The following TMOD1 variants were observed in gnomAD, a reference collection of about 807,000 sequenced individuals.
TMOD1 encodes the protein tropomodulin 1.
Under a neutral mutation model 40.6 loss-of-function variants are expected in TMOD1, and 17 were observed. The ratio of observed to expected loss-of-function variants is 0.42; its 90% CI spans 0.29 to 0.63. The LOEUF is 0.63. TMOD1 is among the 20% of genes least tolerant of loss of function. The probability of loss-of-function intolerance (pLI) is 0.22; values close to 1 mark genes in which losing one functional copy is unlikely to be tolerated. For synonymous variants in TMOD1, 181 were observed against 175.0 expected (o/e 1.03, Z -0.27); for missense variants, 391 against 447.6 (o/e 0.87, Z 1.14).
intron 2 of TMOD1, among the ~76,000 whole-genome samples, chr9:97,540,160 C>T (rs1830256490): frequency 6.6e-6 from 1 of 152,182 alleles, no homozygotes; most frequent in Admixed American, 6.5e-5. Flanking sequence ...TCAACCTTCC[C>T]AGCTGTATTA....
At chr9:97,588,660 A>T (rs1825932024) in intron 8 of TMOD1, among the ~76,000 whole-genome samples, 1 of 152,188 alleles carries the variant, frequency 6.6e-6, no homozygotes, top group Non-Finnish European at 1.5e-5. Flanking sequence ...TGCAATATTA[A>T]CAATATTAAG....
Position 97,589,613 on chromosome 9 carries a change from A to T in TMOD1, c.871-1678A>T, listed in dbSNP as rs540039432. On this transcript the variant is annotated intron_variant, in intron 8 of 9. Transcript: ENST00000259365. ...TAATTTTGTGTAGGGGTGTGTGTGT[A>T]TTCTTAGAATTTTCTATATACAACA... Among the ~76,000 whole-genome samples, 14 of 152,124 alleles carry T rather than the reference A, an allele frequency of 9.2e-5. No individual in the cohort carries two copies. The East Asian group carries it at 2.5e-3, about 27-fold the overall frequency.
intron 7 of TMOD1, among the ~76,000 whole-genome samples, chr9:97,567,466 G>C (rs775782289): frequency 4.6e-5 from 7 of 152,196 alleles, no homozygotes; most frequent in Non-Finnish European, 7.3e-5. Context: ...CCTGGCCCCG[G>C]TTCCTCCACT....
intron 8 of TMOD1, among the ~76,000 whole-genome samples, chr9:97,579,916 T>G (rs1175081520): frequency 6.6e-6 from 1 of 152,188 alleles, no homozygotes; most frequent in Non-Finnish European, 1.5e-5. Flanking sequence ...AGGGATATAC[T>G]TACAGGGAGG....
At chr9:97,533,325 C>T (rs911414138) in intron 2 of TMOD1, among the ~76,000 whole-genome samples, 5 of 152,218 alleles carry the variant, frequency 3.3e-5, no homozygotes, top group Admixed American at 1.3e-4. Context: ...GTGCCTGGCA[C>T]GTGGTGGTCC....
Position 97,600,531 on chromosome 9 carries a change from T to G in TMOD1, c.*833T>G. The G allele has an allele frequency of 1.0e-6, 1 of 985,954 alleles. No individual in the cohort carries two copies. The highest frequency in any genetic ancestry group is 1.2e-6 in the Non-Finnish European group (1 of 830,342). The allele number at this position is 985,954 out of a possible 1,614,324, so 61.1% of individuals were successfully genotyped here. A position where few individuals can be genotyped will look rare whatever the true frequency, so the allele number is the denominator to read the frequency against. ...TACTTTTGAAAACACCTTTCTATAT[T>G]GCACAGTGGGCAAATGGCTTATGTG... On this transcript the variant is annotated 3_prime_UTR_variant, in exon 10 of 10. Transcript: ENST00000259365.
chr9:97,520,862 C>G (rs1829904227), intron 1 of TMOD1, among the ~76,000 whole-genome samples: 1 of 152,166 alleles, frequency 6.6e-6, no homozygotes, highest in African/African-American at 2.4e-5. Flanking sequence ...ACCTCCTTTC[C>G]TTTCTGGCTC....
intron 8 of TMOD1, among the ~76,000 whole-genome samples, chr9:97,585,088 T>C (rs895215749): frequency 1.3e-5 from 2 of 152,264 alleles, no homozygotes. Context: ...TGATGCAGTT[T>C]CTTCCTAGTC....
chr9:97,559,074 A>G (rs1285617482), intron 4 of TMOD1, among the ~76,000 whole-genome samples: 3 of 152,100 alleles, frequency 2.0e-5, no homozygotes, highest in Non-Finnish European at 4.4e-5. Context: ...TCTCCACTCT[A>G]AGCCACACCA....
chr9:97,524,008 A>G, intron 1 of TMOD1, 133 bp from the exon 2 acceptor site: 1 of 586,926 alleles, frequency 1.7e-6, no homozygotes, highest in East Asian at 3.1e-5. Context: ...TTAGTGTAGT[A>G]TTCCACCATA....
intron 8 of TMOD1, among the ~76,000 whole-genome samples, chr9:97,571,450 TA>T (rs747262114): frequency 5.3e-5 from 8 of 152,238 alleles, no homozygotes; most frequent in Non-Finnish European, 1.2e-4. Flanking sequence ...ATAACAGATG[TA>T]AACTCTGAAG....
Position 97,562,842 on chromosome 9 carries a change from A to G in TMOD1, c.487+21A>G. Reference sequence around the variant, plus strand: ...CAACAGTGAGTATGCGCCCGCCCCCAGGAGGGACCTCATGCTTCTTGCTTC... The same window carrying G: ...CAACAGTGAGTATGCGCCCGCCCCCGGGAGGGACCTCATGCTTCTTGCTTC... On this transcript the variant is annotated intron_variant, in intron 5 of 9. Transcript: ENST00000259365. 3 of 1,564,246 alleles carry G rather than the reference A, an allele frequency of 1.9e-6. No homozygotes were observed. The Admixed American group carries it at 5.9e-5, about 31-fold the overall frequency.
intron 8 of TMOD1, among the ~76,000 whole-genome samples, chr9:97,574,167 T>A (rs560462602): frequency 1.6e-3 from 245 of 152,200 alleles, no homozygotes; most frequent in African/African-American, 5.8e-3. Flanking sequence ...AGCCCCTTTC[T>A]GGGCTGGGCA....
intron 4 of TMOD1, chr9:97,555,419 G>A (rs144304273): frequency 1.5e-6 from 2 of 1,379,274 alleles, no homozygotes; most frequent in African/African-American, 1.5e-5. Flanking sequence ...AATGACTGCC[G>A]GCGCCTGCGG....
At chr9:97,553,440 G>T in intron 4 of TMOD1, 40 bp downstream of exon 4, 2 of 1,612,304 alleles carry the variant, frequency 1.2e-6, no homozygotes, top group Non-Finnish European at 1.7e-6. Flanking sequence ...CCTCCAGAAG[G>T]ATTTGACCCA....
chr9:97,584,905 A>T (rs201710997), intron 8 of TMOD1, among the ~76,000 whole-genome samples: 1 of 152,048 alleles, frequency 6.6e-6, no homozygotes, highest in African/African-American at 2.4e-5. Flanking sequence ...TGTCTCTGCA[A>T]GTGAGATGGG....
At position 97,546,289 on chromosome 9, in the gene TMOD1, A is replaced by T. The variant is rs762440137; in HGVS notation, c.225A>T (p.Ala75=). Residue 75 remains alanine, a synonymous_variant, in exon 3 of 10, where the codon GCA becomes GCT. Transcript: ENST00000259365. The part of the protein sequence containing the change: ...EELLDHLEKQ[A]KEFKDREDLV... ...TCTTGGATCACTTGGAAAAGCAAGC[A>T]AAGGAGTTTAAGGACCGAGAAGATC... The T allele has an allele frequency of 6.2e-7, 1 of 1,614,104 alleles. No individual in the cohort carries two copies. Among genetic ancestry groups the T allele is most frequent in the Admixed American group, 1.7e-5 (1 of 60,010 alleles).
chr9:97,583,276 T>C (rs1276094648), intron 8 of TMOD1, among the ~76,000 whole-genome samples: 10 of 146,440 alleles, frequency 6.8e-5, no homozygotes, highest in African/African-American at 1.8e-4. Context: ...TTTTTGTCTT[T>C]GGCTCTGTTT....
intron 8 of TMOD1, among the ~76,000 whole-genome samples, chr9:97,590,741 G>A (rs1245128744): frequency 6.6e-6 from 1 of 151,856 alleles, no homozygotes; most frequent in Admixed American, 6.6e-5. Flanking sequence ...CTTTGGCATT[G>A]TCAACTTACC....
Sources: allele counts gnomAD v4.1 joint callset (sites outside exome capture counted in the v4.1 genomes callset), GRCh38; gene constraint gnomAD v4.1.1; transcripts MANE v1.5; gene names NCBI Gene and HGNC (gene_info 2026-07-23, HGNC 2026-07-21).